The following SH3GL2 variants were observed in gnomAD, a reference collection of about 807,000 sequenced individuals.
SH3GL2 encodes the protein endophilin-A1.
In SH3GL2, 24 loss-of-function variants were observed where a neutral mutation model predicts 46.0. The observed-to-expected ratio is 0.52, with a 90% CI of 0.38 to 0.73. The LOEUF is 0.73. Ranked by LOEUF, SH3GL2 falls within the 30% of genes least tolerant of loss-of-function variation. The pLI is 0.00. For synonymous variants in SH3GL2, 196 were observed against 147.1 expected (o/e 1.33, Z -2.40); for missense variants, 413 against 424.2 (o/e 0.97, Z 0.23).
chr9:17,705,670 G>A (rs1821452662), intron 1 of SH3GL2, among the ~76,000 whole-genome samples: 1 of 152,020 alleles, frequency 6.6e-6, no homozygotes, highest in African/African-American at 2.4e-5. Flanking sequence ...CATGGAGCTG[G>A]AGGCCGTTAT....
At chr9:17,674,300 T>C (rs1820550307) in intron 1 of SH3GL2, among the ~76,000 whole-genome samples, 1 of 152,194 alleles carries the variant, frequency 6.6e-6, no homozygotes, top group African/African-American at 2.4e-5. Context: ...GGAGTCTCTC[T>C]CTGTTGCCCA....
intron 2 of SH3GL2, among the ~76,000 whole-genome samples, chr9:17,754,939 A>T (rs1419965292): frequency 6.6e-6 from 1 of 152,166 alleles, no homozygotes; most frequent in Non-Finnish European, 1.5e-5. Context: ...AAACATGGAT[A>T]GCTTGACTTC....
intron 1 of SH3GL2, among the ~76,000 whole-genome samples, chr9:17,610,987 C>G (rs1201757423): frequency 6.6e-6 from 1 of 152,016 alleles, no homozygotes; most frequent in East Asian, 1.9e-4. Flanking sequence ...AAATAAAACC[C>G]TTATTTCTTC....
intron 1 of SH3GL2, among the ~76,000 whole-genome samples, chr9:17,650,403 G>A (rs1181229470): frequency 6.6e-6 from 1 of 151,966 alleles, no homozygotes; most frequent in Non-Finnish European, 1.5e-5. Context: ...ACGGAGTCTC[G>A]CTCTGTCACC....
At chr9:17,762,392 A>G (rs73642312) in intron 3 of SH3GL2, among the ~76,000 whole-genome samples, 4,116 of 112,028 alleles carry the variant, frequency 0.037, 193 homozygotes, top group African/African-American at 0.13. Flanking sequence ...AATAGTGGAC[A>G]AGTGATCAAA....
intron 3 of SH3GL2, among the ~76,000 whole-genome samples, chr9:17,764,477 A>G (rs1823265174): frequency 6.6e-6 from 1 of 152,224 alleles, no homozygotes; most frequent in African/African-American, 2.4e-5. Flanking sequence ...TTGCCCACTC[A>G]GCCTTTCAGT....
At chr9:17,606,760 A>G (rs1011738580) in intron 1 of SH3GL2, among the ~76,000 whole-genome samples, 2 of 152,224 alleles carry the variant, frequency 1.3e-5, no homozygotes, top group Admixed American at 6.5e-5. Context: ...ACTTAATGTT[A>G]GTTGTTCCAT....
chr9:17,698,253 A>T (rs1172646195), intron 1 of SH3GL2, among the ~76,000 whole-genome samples: 2 of 152,198 alleles, frequency 1.3e-5, no homozygotes, highest in Admixed American at 6.5e-5. Flanking sequence ...TACCTTGTCT[A>T]AAACAAGGCA....
chr9:17,733,863 C>T (rs979471693), intron 1 of SH3GL2, among the ~76,000 whole-genome samples: 3 of 138,928 alleles, frequency 2.2e-5, no homozygotes, highest in South Asian at 2.5e-4. Context: ...AGTAAACTAT[C>T]GCAAGAACAA....
Position 17,788,334 on chromosome 9 carries a change from T to C in SH3GL2, c.465+821T>C, listed in dbSNP as rs567495639. ...TAGCTCAAATGTTTAAAAAAGAAAG[T>C]TCCTTCCAAATGAGCATTTAGTTTT... On this transcript the variant is annotated intron_variant, in intron 5 of 8. Transcript: ENST00000380607. 1.2e-4 allele frequency among the ~76,000 whole-genome samples: 18 copies of C among 152,220 alleles called. No individual in the cohort carries two copies. The South Asian group carries it at 1.2e-3, about 11-fold the overall frequency.
chr9:17,682,595 A>G (rs150423296), intron 1 of SH3GL2, among the ~76,000 whole-genome samples: 13 of 152,102 alleles, frequency 8.5e-5, no homozygotes, highest in East Asian at 5.8e-4. Flanking sequence ...GGATGGGTCA[A>G]TAGGTGCAGC....
intron 1 of SH3GL2, among the ~76,000 whole-genome samples, chr9:17,690,522 C>G (rs1456713325): frequency 6.6e-6 from 1 of 152,076 alleles, no homozygotes; most frequent in Non-Finnish European, 1.5e-5. Context: ...CCCATAGGAT[C>G]TCGCCTCATT....
intron 1 of SH3GL2, among the ~76,000 whole-genome samples, chr9:17,734,059 T>G (rs1435670724): frequency 1.3e-5 from 2 of 152,014 alleles, no homozygotes; most frequent in Admixed American, 6.6e-5. Context: ...AAATGCACTC[T>G]CAGTCGAGAA....
rs576275019 is a variant in SH3GL2, at chr9:17,733,824, C to T, written c.46-13242C>T. On this transcript the variant is annotated intron_variant, in intron 1 of 8. Coordinates refer to ENST00000380607, the MANE Select transcript of SH3GL2 (RefSeq NM_003026.5). ...GATGAGTTCATGTCCTTTGTAGGGA[C>T]ATGGATGAAATTGGAAATCATCATT... 1.5e-4 allele frequency among the ~76,000 whole-genome samples: 23 copies of T among 152,058 alleles called. 1 individual carries two copies. In the South Asian group the frequency reaches 4.8e-3, roughly 32 times the overall value.
At chr9:17,653,299 A>G (rs377095486) in intron 1 of SH3GL2, among the ~76,000 whole-genome samples, 2 of 151,782 alleles carry the variant, frequency 1.3e-5, no homozygotes, top group South Asian at 4.2e-4. Flanking sequence ...TTTTTCCCTC[A>G]GTTCTGGGAA....
chr9:17,767,596 C>T (rs1823350780), intron 3 of SH3GL2, among the ~76,000 whole-genome samples: 1 of 152,160 alleles, frequency 6.6e-6, no homozygotes, highest in Admixed American at 6.5e-5. Flanking sequence ...CTTTTAGAGT[C>T]CTTAGCATTA....
At chr9:17,724,619 C>T (rs1821978293) in intron 1 of SH3GL2, among the ~76,000 whole-genome samples, 1 of 152,076 alleles carries the variant, frequency 6.6e-6, no homozygotes, top group Non-Finnish European at 1.5e-5. Context: ...TTGAATGTCT[C>T]ATAATTCCTT....
chr9:17,712,922 G>A (rs1336256490), intron 1 of SH3GL2, among the ~76,000 whole-genome samples: 2 of 127,746 alleles, frequency 1.6e-5, no homozygotes, highest in Admixed American at 1.0e-4. Flanking sequence ...AATAGTAAGC[G>A]TGAACATCCT....
At chr9:17,768,712 TCGA>T (rs1340434966) in intron 3 of SH3GL2, among the ~76,000 whole-genome samples, 2 of 152,158 alleles carry the variant, frequency 1.3e-5, no homozygotes, top group African/African-American at 4.8e-5. Context: ...TGCCCCTTCT[TCGA>T]CAACTGTCTT....
Sources: allele counts gnomAD v4.1 joint callset (sites outside exome capture counted in the v4.1 genomes callset), GRCh38; gene constraint gnomAD v4.1.1; transcripts MANE v1.5; gene names NCBI Gene and HGNC (gene_info 2026-07-23, HGNC 2026-07-21).